Variants in MCTP1 observed in about 807,000 individuals in gnomAD.
MCTP1 encodes the protein multiple C2 and transmembrane domain containing 1.
Under a neutral mutation model 120.6 loss-of-function variants are expected in MCTP1, and 69 were observed. The ratio of observed to expected loss-of-function variants is 0.57; its 90% confidence interval spans 0.47 to 0.70. The LOEUF is 0.70. Among genes scored for constraint, MCTP1 ranks in the 30% least tolerant of loss-of-function variants. The pLI is 0.00. For missense variants in MCTP1, 1,203 were observed against 1,248.8 expected (o/e 0.96, Z 0.55); for synonymous variants, 529 against 493.1 (o/e 1.07, Z -0.96).
chr5:95,229,953 T>C (rs1754729663), intron 1 of MCTP1, among the ~76,000 whole-genome samples: 1 of 152,058 alleles, frequency 6.6e-6, no homozygotes, highest in South Asian at 2.1e-4. Context: ...CCTTTATTCA[T>C]TTCTGTCTAC....
intron 1 of MCTP1, among the ~76,000 whole-genome samples, chr5:95,049,497 G>A (rs984743642): frequency 6.6e-6 from 1 of 152,014 alleles, no homozygotes; most frequent in African/African-American, 2.4e-5. Flanking sequence ...GAACAAAATC[G>A]CATCCTGAGG....
intron 1 of MCTP1, among the ~76,000 whole-genome samples, chr5:95,191,171 T>C (rs1749787969): frequency 6.6e-6 from 1 of 151,970 alleles, no homozygotes. Flanking sequence ...CACCGTCATA[T>C]ATAAAAATAG....
chr5:95,047,131 G>A (rs1031778194), intron 1 of MCTP1, among the ~76,000 whole-genome samples: 2 of 152,152 alleles, frequency 1.3e-5, no homozygotes, highest in African/African-American at 4.8e-5. Flanking sequence ...TAACAGGCCT[G>A]AGGATGAATC....
chr5:94,923,555 T>C lies in MCTP1; in HGVS notation c.1272+407A>G, dbSNP rs184810033. 4.5e-3 allele frequency among the ~76,000 whole-genome samples: 688 copies of C among 152,244 alleles called. 4 individuals are homozygous for C. Among genetic ancestry groups the C allele is most frequent in the African/African-American group, 0.016 (646 of 41,538 alleles). ...ATATATCTAGGACAGAGTTATAGTATAGATCACTGTAACAGAAGTAAATAT... is the reference window on the plus strand; with the variant it reads ...ATATATCTAGGACAGAGTTATAGTACAGATCACTGTAACAGAAGTAAATAT... On this transcript the variant is annotated intron_variant, in intron 7 of 22. Transcript: ENST00000515393.
chr5:95,227,087 G>T (rs964209612), intron 1 of MCTP1, among the ~76,000 whole-genome samples: 1 of 152,088 alleles, frequency 6.6e-6, no homozygotes, highest in Admixed American at 6.6e-5. Context: ...GGAGGCCACC[G>T]AGGCAGAATT....
chr5:95,184,313 C>A (rs1396672938), intron 1 of MCTP1, among the ~76,000 whole-genome samples: 1 of 152,076 alleles, frequency 6.6e-6, no homozygotes, highest in African/African-American at 2.4e-5. Flanking sequence ...GAAACTGAAT[C>A]CATAATCAAA....
chr5:94,882,165 G>A (rs753739048), intron 12 of MCTP1, among the ~76,000 whole-genome samples: 8 of 152,070 alleles, frequency 5.3e-5, no homozygotes, highest in Non-Finnish European at 1.0e-4. Flanking sequence ...CTGTAGTATA[G>A]GATTGTATAC....
intron 1 of MCTP1, among the ~76,000 whole-genome samples, chr5:95,131,287 G>A (rs1304633825): frequency 6.6e-6 from 1 of 152,136 alleles, no homozygotes; most frequent in Non-Finnish European, 1.5e-5. Flanking sequence ...AAACATCAAG[G>A]CTGAGCATGG....
intron 2 of MCTP1, among the ~76,000 whole-genome samples, chr5:94,970,619 TTGACTCAG>T (rs1434363305): frequency 1.3e-5 from 2 of 152,092 alleles, no homozygotes; most frequent in Non-Finnish European, 2.9e-5. Flanking sequence ...TGACTGGTAA[TTGACTCAG>T]TGACTCAGTA....
At chr5:94,713,649 G>T (rs1343562010) in intron 20 of MCTP1, among the ~76,000 whole-genome samples, 4 of 152,124 alleles carry the variant, frequency 2.6e-5, no homozygotes, top group Non-Finnish European at 5.9e-5. Flanking sequence ...GAAGGAGAGA[G>T]AAAAGATACG....
At chr5:94,841,977 G>C (rs571359696) in intron 17 of MCTP1, among the ~76,000 whole-genome samples, 114 of 152,200 alleles carry the variant, frequency 7.5e-4, no homozygotes, top group Non-Finnish European at 1.5e-3. Flanking sequence ...ATTTGCCTCA[G>C]TACATGAAAA....
chr5:94,852,278 T>C lies in MCTP1; in HGVS notation c.2436+16055A>G, dbSNP rs143154980. ...TCAGTAAAACTGTGAACAGAATTAG[T>C]GAAAATGTTTAGAGTGTGTGAGAGA... On this transcript the variant is annotated intron_variant, in intron 17 of 22. Transcript: ENST00000515393. Among the ~76,000 whole-genome samples the C allele has an allele frequency of 4.4e-4, 67 of 152,080 alleles. 1 individual carries two copies. Among genetic ancestry groups the C allele is most frequent in the African/African-American group, 1.6e-3 (65 of 41,542 alleles).
chr5:94,998,953 GT>G (rs1464649614), intron 2 of MCTP1, among the ~76,000 whole-genome samples: 5 of 152,116 alleles, frequency 3.3e-5, no homozygotes, highest in African/African-American at 1.2e-4. Context: ...TTTGCTTTCC[GT>G]TTCCCTGGAA....
chr5:95,239,687 A>T (rs886751080), intron 1 of MCTP1, among the ~76,000 whole-genome samples: 1 of 152,180 alleles, frequency 6.6e-6, no homozygotes, highest in Non-Finnish European at 1.5e-5. Context: ...ACTCCTGGGT[A>T]CATGTTTACT....
chr5:94,966,808 C>A (rs1197155443), intron 2 of MCTP1, among the ~76,000 whole-genome samples: 2 of 150,286 alleles, frequency 1.3e-5, no homozygotes, highest in East Asian at 1.9e-4. Flanking sequence ...AAAAAAAAAA[C>A]AACAAAACCA....
At chr5:94,741,315 TAAG>T (rs1023369740) in intron 19 of MCTP1, among the ~76,000 whole-genome samples, 1 of 152,330 alleles carries the variant, frequency 6.6e-6, no homozygotes, top group South Asian at 2.1e-4. Flanking sequence ...TTGCTCACAA[TAAG>T]AAGTATAAAA....
chr5:94,765,999 C>A (rs1277537925), intron 19 of MCTP1, among the ~76,000 whole-genome samples: 2 of 152,112 alleles, frequency 1.3e-5, no homozygotes, highest in Admixed American at 1.3e-4. Flanking sequence ...AATCCCAGCA[C>A]TTTGGGAGGC....
chr5:94,944,450 C>T (rs901030341), intron 3 of MCTP1, among the ~76,000 whole-genome samples: 2 of 152,158 alleles, frequency 1.3e-5, no homozygotes, highest in Non-Finnish European at 2.9e-5. Flanking sequence ...TACACCAAAA[C>T]ATTGGAGAAA....
chr5:95,164,758 T>C (rs1301086087), intron 1 of MCTP1, among the ~76,000 whole-genome samples: 1 of 152,238 alleles, frequency 6.6e-6, no homozygotes, highest in Non-Finnish European at 1.5e-5. Flanking sequence ...GATGACCTTT[T>C]AATATTTCTA....
Sources: gnomAD v4.1 joint callset for allele counts (sites outside exome capture counted in the v4.1 genomes callset) on GRCh38, gnomAD v4.1.1 for gene constraint, MANE v1.5 for transcripts, NCBI Gene and HGNC (gene_info 2026-07-23, HGNC 2026-07-21) for gene names.